The following ZNF527 variants were observed in gnomAD, a reference collection of about 807,000 sequenced individuals.
ZNF527 encodes the protein zinc finger protein 527.
ZNF527 carries 5 observed loss-of-function variants against 13.5 expected under a neutral mutation model. The observed-to-expected ratio is 0.37, with a 90% CI of 0.19 to 0.78. The LOEUF is 0.78. ZNF527 is among the 30% of genes least tolerant of loss of function. The probability of loss-of-function intolerance (pLI) is 0.48; values close to 1 mark genes in which losing one functional copy is unlikely to be tolerated. For missense variants in ZNF527, 628 were observed against 726.4 expected, an observed-to-expected ratio of 0.86 and a Z score of 1.56; for synonymous variants, 209 against 243.1, an observed-to-expected ratio of 0.86 and a Z score of 1.30.
Position 37,380,278 on chromosome 19 carries a change from ACT to A in ZNF527, c.166_167del (p.Ser56HisfsTer3). ...ENYRNLVWLG[L>X]SISKPNMISL... ...TCATTTTTCTTCCCCTGTGAACAGGACTCTCCATTTCTAAGCCCAACATGATC... is the reference window on the plus strand; with the variant it reads ...TCATTTTTCTTCCCCTGTGAACAGGACTCCATTTCTAAGCCCAACATGATC... On this transcript the variant is annotated frameshift_variant and splice_region_variant, in exon 4 of 5. Coordinates refer to ENST00000436120, the MANE Select transcript of ZNF527 (RefSeq NM_032453.2). LOFTEE classifies it high-confidence loss of function. 2 of 1,613,832 alleles carry A rather than the reference ACT, an allele frequency of 1.2e-6. No individual in the cohort carries two copies. The highest frequency in any genetic ancestry group is 1.7e-6 in the Non-Finnish European group (2 of 1,179,866).
rs2040743393 is a variant in ZNF527 at position 37,390,448 on chromosome 19, C to T, written c.*569C>T. 4 of 152,712 alleles carry T rather than the reference C, an allele frequency of 2.6e-5. No individual in the cohort carries two copies. Among genetic ancestry groups the T allele is most frequent in the Admixed American group, 6.5e-5 (1 of 15,330 alleles). 9.5% of individuals were successfully genotyped at this position (152,712 alleles called of 1,614,324 possible). A position where few individuals can be genotyped will look rare whatever the true frequency, so the allele number is the denominator to read the frequency against. ...CTGGTCACAGGCTGGCCAATTATTTCCCCCAACCTAGTGATAAGGGATTGG... is the reference window on the plus strand; with the variant it reads ...CTGGTCACAGGCTGGCCAATTATTTTCCCCAACCTAGTGATAAGGGATTGG... On this transcript the variant is annotated 3_prime_UTR_variant, in exon 5 of 5. Transcript: ENST00000436120.
intron 1 of ZNF527, among the ~76,000 whole-genome samples, chr19:37,372,462 C>CCT (rs2040565538): frequency 9.4e-6 from 1 of 106,690 alleles, no homozygotes; most frequent in African/African-American, 4.6e-5. Context: ...CTTTTCTTTT[C>CCT]TTTTCTTTTT....
chr19:37,375,245 T>TCTTTCTTC (rs2040589719), intron 2 of ZNF527, among the ~76,000 whole-genome samples: 1 of 45,542 alleles, frequency 2.2e-5, no homozygotes, highest in East Asian at 5.4e-4. Context: ...TAGTGTATTT[T>TCTTTCTTC]CTTTCTTTCT....
intron 2 of ZNF527, among the ~76,000 whole-genome samples, chr19:37,377,123 T>C (rs1322441448): frequency 6.6e-6 from 1 of 152,122 alleles, no homozygotes; most frequent in East Asian, 1.9e-4. Context: ...AGGGAACTTA[T>C]TTATTTATTT....
Position 37,390,030 on chromosome 19 carries a change from G to A in ZNF527, c.*151G>A. The A allele has an allele frequency of 1.0e-6, 1 of 957,480 alleles. No individual in the cohort carries two copies. The highest frequency in any genetic ancestry group is 2.0e-5 in the South Asian group (1 of 49,170). 59.3% of individuals were successfully genotyped at this position (957,480 alleles called of 1,614,324 possible). A position where few individuals can be genotyped will look rare whatever the true frequency, so the allele number is the denominator to read the frequency against. On this transcript the variant is annotated 3_prime_UTR_variant, in exon 5 of 5. Coordinates refer to ENST00000436120, the MANE Select transcript of ZNF527 (RefSeq NM_032453.2). ...TGAAGTAGCTCAGTAGTAGACATCTGTTACTTTTTTTTTTTTCAGACAGAG... is the reference window on the plus strand; with the variant it reads ...TGAAGTAGCTCAGTAGTAGACATCTATTACTTTTTTTTTTTTCAGACAGAG...
intron 4 of ZNF527, among the ~76,000 whole-genome samples, chr19:37,387,359 A>G (rs1426451378): frequency 6.6e-6 from 1 of 152,088 alleles, no homozygotes; most frequent in African/African-American, 2.4e-5. Flanking sequence ...TTTTTTCCTG[A>G]CATTTATACC....
At chr19:37,373,947 T>C (rs1440877232) in intron 1 of ZNF527, among the ~76,000 whole-genome samples, 3 of 152,158 alleles carry the variant, frequency 2.0e-5, no homozygotes, top group Non-Finnish European at 4.4e-5. Flanking sequence ...TGGATTTTGT[T>C]GAGTTCAGGC....
At chr19:37,375,358 T>TTTC (rs2040598824) in intron 2 of ZNF527, among the ~76,000 whole-genome samples, 2 of 138,786 alleles carry the variant, frequency 1.4e-5, no homozygotes, top group African/African-American at 5.5e-5. Flanking sequence ...CCTTTCTTTC[T>TTTC]TTTCTTTTCT....
At position 37,380,360 on chromosome 19, in the gene ZNF527, G is replaced by A; in HGVS notation, c.244G>A (p.Gly82Ser). ...GATGGTGGAGAGAAAGATGTCACAG[G>A]GTCACTGTGCAGGTGAGTGACAGAT... Reference protein sequence around the residue: ...PWMVERKMSQGHCADWESWCE... With the variant: ...PWMVERKMSQSHCADWESWCE... The change falls in exon 4 of 5, where the codon GGT becomes AGT. Residue 82 changes from glycine to serine, a missense_variant. Gly to Ser is a moderately conservative substitution (Grantham distance 56). Coordinates refer to ENST00000436120, the MANE Select transcript of ZNF527 (RefSeq NM_032453.2). The A allele has an allele frequency of 1.2e-6, 2 of 1,613,786 alleles. No individual in the cohort carries two copies. Among genetic ancestry groups the A allele is most frequent in the Non-Finnish European group, 1.7e-6 (2 of 1,179,760 alleles).
rs369844658 is a variant in ZNF527, at chr19:37,389,325, C to T, written c.1276C>T (p.Arg426Cys). The T allele has an allele frequency of 3.2e-5, 51 of 1,613,710 alleles. No individual in the cohort carries two copies. The highest frequency in any genetic ancestry group is 2.7e-4 in the African/African-American group (20 of 74,920). Reference protein sequence around the residue: ...CNQCGKAFSRRIALTLHQRIH... With the variant: ...CNQCGKAFSRCIALTLHQRIH... ...TCAGTGTGGAAAAGCCTTCAGCAGA[C>T]GCATAGCCCTTACTCTACATCAAAG... The change falls in exon 5 of 5, where the codon CGC becomes TGC. Residue 426 changes from arginine to cysteine, a missense_variant. Arg to Cys is a radical substitution (Grantham distance 180, BLOSUM62 -3). Coordinates refer to ENST00000436120, the MANE Select transcript of ZNF527 (RefSeq NM_032453.2).
chr19:37,376,682 C>CAAAA (rs35179002), intron 2 of ZNF527, among the ~76,000 whole-genome samples: 6 of 48,522 alleles, frequency 1.2e-4, no homozygotes, highest in Admixed American at 2.3e-4. Flanking sequence ...ACTCCATCTC[C>CAAAA]AAAAAAAAAA....
intron 2 of ZNF527, among the ~76,000 whole-genome samples, chr19:37,375,306 CTTTCTTTTCTTT>C (rs1568691499): frequency 2.0e-5 from 2 of 100,670 alleles, no homozygotes; most frequent in Non-Finnish European, 3.9e-5. Flanking sequence ...TTCTTTCTTT[CTTTCTTTTCTTT>C]CTTTCTTTCT....
chr19:37,385,519 T>C (rs1352586204), intron 4 of ZNF527: 3 of 395,014 alleles, frequency 7.6e-6, no homozygotes, highest in African/African-American at 6.2e-5. Flanking sequence ...GGTCCTATTA[T>C]TGGTTTTGGA....
In ZNF527 at chr19:37,375,307, TTTCTTTTCTTTCTTTC is replaced by T. The variant is rs1600262755; in HGVS notation, c.33+1079_33+1094del. Among the ~76,000 whole-genome samples the T allele has an allele frequency of 2.8e-5, 3 of 109,056 alleles. No homozygotes were observed. The East Asian group carries it at 7.9e-4, about 29-fold the overall frequency. 71.5% of individuals were successfully genotyped at this position (109,056 alleles called of 152,430 possible). A position where few individuals can be genotyped will look rare whatever the true frequency, so the allele number is the denominator to read the frequency against. The stretch of plus-strand genomic sequence containing the variant: ...CTTTCTTTCTTTCTTTCTTTCTTTC[TTTCTTTTCTTTCTTTC>T]TTTCTTTCTTTCTTTCCTTTCTTTC... On this transcript the variant is annotated intron_variant, in intron 2 of 4. Coordinates refer to ENST00000436120, the MANE Select transcript of ZNF527 (RefSeq NM_032453.2).
At chr19:37,376,325 C>T (rs375285080) in intron 2 of ZNF527, among the ~76,000 whole-genome samples, 2 of 151,890 alleles carry the variant, frequency 1.3e-5, no homozygotes, top group South Asian at 2.1e-4. Flanking sequence ...ACATTACAGC[C>T]TGTGCAACAG....
chr19:37,382,318 TAGATAGA>T (rs1234728901), intron 4 of ZNF527, among the ~76,000 whole-genome samples: 1 of 152,064 alleles, frequency 6.6e-6, no homozygotes, highest in Non-Finnish European at 1.5e-5. Flanking sequence ...GATAGATAGA[TAGATAGA>T]TAGATATTTA....
At chr19:37,382,365 CT>C (rs904565691) in intron 4 of ZNF527, among the ~76,000 whole-genome samples, 13 of 151,848 alleles carry the variant, frequency 8.6e-5, no homozygotes, top group African/African-American at 1.9e-4. Flanking sequence ...ATTTCTGCCT[CT>C]TTTTTTCCCA....
intron 1 of ZNF527, among the ~76,000 whole-genome samples, chr19:37,372,945 G>A (rs1358286583): frequency 6.6e-6 from 1 of 152,106 alleles, no homozygotes; most frequent in African/African-American, 2.4e-5. Context: ...CCTCTCTAAG[G>A]AATATATGGC....
rs1459317357 is a variant in ZNF527, at chr19:37,389,155, G to T, written c.1106G>T (p.Arg369Leu). The change falls in exon 5 of 5, where the codon CGT becomes CTT. Residue 369 changes from arginine to leucine, a missense_variant. Arg to Leu is a moderately radical substitution (Grantham distance 102). Around this residue, in one of 3 missense-constraint regions of ZNF527, gnomAD observed 592 missense variants for 678.0 expected, o/e 0.87. Coordinates refer to ENST00000436120, the MANE Select transcript of ZNF527 (RefSeq NM_032453.2). ...ACNECGKAFS[R>L]YAFLVEHQRI... Reference sequence around the variant, plus strand: ...AATGAATGTGGGAAGGCCTTTAGCCGTTATGCCTTCCTTGTTGAACATCAG... The same window carrying T: ...AATGAATGTGGGAAGGCCTTTAGCCTTTATGCCTTCCTTGTTGAACATCAG... The T allele has an allele frequency of 1.9e-6, 3 of 1,613,596 alleles. No homozygotes were observed. In the Admixed American group the frequency reaches 5.0e-5, roughly 27 times the overall value.
Sources: allele counts gnomAD v4.1 joint callset (sites outside exome capture counted in the v4.1 genomes callset), GRCh38; gene constraint gnomAD v4.1.1; regional missense constraint gnomAD v4.1.1; transcripts MANE v1.5; gene names NCBI Gene and HGNC (gene_info 2026-07-23, HGNC 2026-07-21).